The following ANK3 variants were observed in gnomAD, a reference collection of about 807,000 sequenced individuals.
ANK3 encodes ankyrin-3.
A neutral mutation model predicts 370.9 loss-of-function variants in ANK3; 57 were observed. The ratio of observed to expected loss-of-function variants is 0.15; its 90% CI spans 0.12 to 0.19. ANK3 has a LOEUF of 0.19. Ranked by LOEUF, ANK3 falls within the 10% of genes least tolerant of loss-of-function variation. The pLI is 1.00. For missense variants in ANK3, 4,439 were observed against 5,302.1 expected, an observed-to-expected ratio of 0.84 and a Z score of 5.06; for synonymous variants, 1,929 against 1,946.3, an observed-to-expected ratio of 0.99 and a Z score of 0.23.
chr10:60,111,496 A>T (rs1207359526), intron 26 of ANK3, among the ~76,000 whole-genome samples: 3 of 152,212 alleles, frequency 2.0e-5, no homozygotes, highest in Non-Finnish European at 4.4e-5. Flanking sequence ...CATGCAACAT[A>T]ACTTATAGAA....
intron 2 of ANK3, among the ~76,000 whole-genome samples, chr10:60,513,635 A>G (rs1274429231): frequency 6.6e-6 from 1 of 152,128 alleles, no homozygotes; most frequent in Non-Finnish European, 1.5e-5. Context: ...ACAACAAATC[A>G]ATCTCTCCCT....
At chr10:60,260,804 C>T (rs2097792699) in intron 7 of ANK3, among the ~76,000 whole-genome samples, 1 of 152,188 alleles carries the variant, frequency 6.6e-6, no homozygotes, top group South Asian at 2.1e-4. Flanking sequence ...TCTTAAGTTT[C>T]CTGAGGCCTC....
intron 1 of ANK3, among the ~76,000 whole-genome samples, chr10:60,706,085 A>G (rs530007915): frequency 5.3e-4 from 81 of 152,124 alleles, no homozygotes; most frequent in African/African-American, 1.9e-3. Flanking sequence ...TGGTGTCCCA[A>G]CGTGTTGGCA....
chr10:60,260,633 A>G (rs935953304), intron 7 of ANK3, among the ~76,000 whole-genome samples: 1 of 152,198 alleles, frequency 6.6e-6, no homozygotes, highest in African/African-American at 2.4e-5. Flanking sequence ...AGGACTTCTC[A>G]TGAATGGTTT....
At chr10:60,477,516 TACACACACACACACACAC>T (rs761752696) in intron 2 of ANK3, among the ~76,000 whole-genome samples, 54 of 122,688 alleles carry the variant, frequency 4.4e-4, no homozygotes, top group African/African-American at 1.5e-3. Context: ...CAGACAGACA[TACACACACACACACACAC>T]ACACACACAC....
chr10:60,679,980 C>G (rs1182900816), intron 1 of ANK3, among the ~76,000 whole-genome samples: 2 of 151,516 alleles, frequency 1.3e-5, no homozygotes, highest in African/African-American at 4.8e-5. Flanking sequence ...ACTAAAAATA[C>G]AAAAATTAGC....
intron 23 of ANK3, among the ~76,000 whole-genome samples, chr10:60,150,540 C>T (rs1455984236): frequency 6.6e-6 from 1 of 151,970 alleles, no homozygotes; most frequent in Non-Finnish European, 1.5e-5. Context: ...AAATTTGAGC[C>T]CCAGTGTTGG....
intron 2 of ANK3, among the ~76,000 whole-genome samples, chr10:60,564,636 G>C (rs976083622): frequency 6.6e-6 from 1 of 152,140 alleles, no homozygotes; most frequent in Non-Finnish European, 1.5e-5. Context: ...ACATTCCTTT[G>C]ACTCGCCCTT....
intron 12 of ANK3, among the ~76,000 whole-genome samples, chr10:60,201,096 C>T (rs1205254566): frequency 6.6e-6 from 1 of 152,212 alleles, no homozygotes; most frequent in East Asian, 1.9e-4. Flanking sequence ...GCTTTATAGG[C>T]CACCTACTTC....
intron 23 of ANK3, among the ~76,000 whole-genome samples, chr10:60,150,680 C>T (rs1204445694): frequency 6.6e-6 from 1 of 152,096 alleles, no homozygotes; most frequent in Non-Finnish European, 1.5e-5. Flanking sequence ...GTTAAAGAGA[C>T]TGCCACCTCC....
chr10:60,486,607 A>G (rs1434864853), intron 2 of ANK3, among the ~76,000 whole-genome samples: 1 of 152,162 alleles, frequency 6.6e-6, no homozygotes, highest in African/African-American at 2.4e-5. Context: ...ACCTATGGTT[A>G]TTTGTAACAA....
chr10:60,187,434 C>T (rs937830417), intron 16 of ANK3, among the ~76,000 whole-genome samples: 6 of 152,132 alleles, frequency 3.9e-5, no homozygotes, highest in Admixed American at 2.6e-4. Context: ...GGATTACAGG[C>T]GTGAGTCACT....
chr10:60,226,533 TATACATA>T (rs1203343998), intron 8 of ANK3, among the ~76,000 whole-genome samples: 18 of 74,774 alleles, frequency 2.4e-4, no homozygotes, highest in East Asian at 4.3e-4. Context: ...CTATAGTATA[TATACATA>T]GTATATATAC....
At chr10:60,670,507 C>A (rs572052099) in intron 1 of ANK3, among the ~76,000 whole-genome samples, 73 of 152,264 alleles carry the variant, frequency 4.8e-4, no homozygotes, top group African/African-American at 1.6e-3. Context: ...CATTATCTAA[C>A]TTTTGGATTA....
At chr10:60,261,513 C>T (rs188763158) in intron 7 of ANK3, among the ~76,000 whole-genome samples, 2 of 152,352 alleles carry the variant, frequency 1.3e-5, no homozygotes, top group African/African-American at 4.8e-5. Context: ...CTCTAGAGCA[C>T]TGAGTGCCAT....
At position 60,133,796 on chromosome 10, in the gene ANK3, G is replaced by A. The variant is rs560310686; in HGVS notation, c.2841+475C>T. On this transcript the variant is annotated intron_variant, in intron 25 of 43. Transcript: ENST00000280772. ...ATTAGCTGGGTGTGGTGGTGCGCCTGTGGTCCCAGCTACTTAGGAGGCTGA... is the reference window on the plus strand; with the variant it reads ...ATTAGCTGGGTGTGGTGGTGCGCCTATGGTCCCAGCTACTTAGGAGGCTGA... Among the ~76,000 whole-genome samples, 7 of 152,150 alleles carry A rather than the reference G, an allele frequency of 4.6e-5. No individual in the cohort carries two copies. The East Asian group carries it at 1.2e-3, about 25-fold the overall frequency.
At chr10:60,693,805 A>G (rs1190020581) in intron 1 of ANK3, among the ~76,000 whole-genome samples, 1 of 152,256 alleles carries the variant, frequency 6.6e-6, no homozygotes, top group Non-Finnish European at 1.5e-5. Context: ...GGGGAAAAAC[A>G]GAGCAGAAAA....
intron 1 of ANK3, among the ~76,000 whole-genome samples, chr10:60,634,052 A>G (rs1280499577): frequency 1.3e-5 from 2 of 152,244 alleles, no homozygotes; most frequent in African/African-American, 4.8e-5. Flanking sequence ...TAAAGTCTGC[A>G]TGGAGTTCAG....
chr10:60,395,586 T>TTCTC (rs1394050849), intron 2 of ANK3, among the ~76,000 whole-genome samples: 2 of 125,516 alleles, frequency 1.6e-5, no homozygotes, highest in East Asian at 4.9e-4. Flanking sequence ...CTTTCTTTCT[T>TTCTC]TCTTTCTTTC....
Sources: gnomAD v4.1 joint callset for allele counts (sites outside exome capture counted in the v4.1 genomes callset) on GRCh38, gnomAD v4.1.1 for gene constraint, MANE v1.5 for transcripts, NCBI Gene and HGNC (gene_info 2026-07-23, HGNC 2026-07-21) for gene names.